GABRB1: variants seen among roughly 807,000 people sequenced by gnomAD.
The protein encoded by GABRB1 is gamma-aminobutyric acid type A receptor subunit beta1, also known as gamma-aminobutyric acid receptor subunit beta-1.
In GABRB1, 17 loss-of-function variants were observed where a neutral mutation model predicts 51.6. The observed-to-expected ratio is 0.33, with a 90% CI of 0.23 to 0.49. The LOEUF is 0.49. Ranked by LOEUF, GABRB1 falls within the 20% of genes least tolerant of loss-of-function variation. GABRB1 has a pLI of 0.99. For synonymous variants in GABRB1, 247 were observed against 218.9 expected (o/e 1.13, Z -1.14); for missense variants, 410 against 600.6 (o/e 0.68, Z 3.32).
intron 5 of GABRB1, among the ~76,000 whole-genome samples, chr4:47,321,169 T>C (rs968153983): frequency 3.9e-5 from 6 of 152,238 alleles, no homozygotes; most frequent in Non-Finnish European, 7.3e-5. Context: ...AGAACATTAC[T>C]ATAGTACCAC....
At chr4:47,091,557 T>C (rs1489502655) in intron 3 of GABRB1, among the ~76,000 whole-genome samples, 1 of 152,150 alleles carries the variant, frequency 6.6e-6, no homozygotes, top group Non-Finnish European at 1.5e-5. Context: ...ATGTCACAAT[T>C]GTCCATTCAT....
At chr4:47,232,313 C>T (rs1035859250) in intron 4 of GABRB1, among the ~76,000 whole-genome samples, 10 of 152,156 alleles carry the variant, frequency 6.6e-5, no homozygotes, top group Non-Finnish European at 1.2e-4. Flanking sequence ...CCCTACTAAA[C>T]ATATTTAAGA....
At chr4:47,222,926 T>A (rs1286768989) in intron 4 of GABRB1, among the ~76,000 whole-genome samples, 1 of 152,156 alleles carries the variant, frequency 6.6e-6, no homozygotes, top group Non-Finnish European at 1.5e-5. Context: ...AGGTTTTGTA[T>A]TATAATTGTT....
chr4:47,124,339 A>G (rs1421432256), intron 3 of GABRB1, among the ~76,000 whole-genome samples: 2 of 152,248 alleles, frequency 1.3e-5, no homozygotes, highest in Non-Finnish European at 2.9e-5. Context: ...TCCTGGAGGC[A>G]GTACCATTAG....
chr4:47,284,754 A>G (rs955493450), intron 4 of GABRB1, among the ~76,000 whole-genome samples: 18 of 152,230 alleles, frequency 1.2e-4, no homozygotes, highest in African/African-American at 4.3e-4. Flanking sequence ...AAAGCCCTAA[A>G]GAGTGGACTG....
At chr4:47,044,823 CT>C (rs1485663474) in intron 3 of GABRB1, among the ~76,000 whole-genome samples, 1 of 149,610 alleles carries the variant, frequency 6.7e-6, no homozygotes, top group Non-Finnish European at 1.5e-5. Flanking sequence ...TGTGAAATTT[CT>C]TTGTGAGAAC....
rs1729302731 is a variant in GABRB1, at chr4:47,426,444, A to T, written c.*426A>T. The T allele has an allele frequency of 6.6e-6, 1 of 152,048 alleles. No individual in the cohort carries two copies. The highest frequency in any genetic ancestry group is 2.4e-5 in the African/African-American group (1 of 41,352). The allele number at this position is 152,048 out of a possible 1,614,324, so 9.4% of individuals were successfully genotyped here. Reference sequence around the variant, plus strand: ...TTATGCTGCCAAAAAAAAAAAAAAAAAAACATAAAAAAAAACACACAATTT... The same window carrying T: ...TTATGCTGCCAAAAAAAAAAAAAAATAAACATAAAAAAAAACACACAATTT... On this transcript the variant is annotated 3_prime_UTR_variant, in exon 9 of 9. Coordinates refer to ENST00000295454, the MANE Select transcript of GABRB1 (RefSeq NM_000812.4).
intron 3 of GABRB1, among the ~76,000 whole-genome samples, chr4:47,151,635 A>T (rs1452646324): frequency 6.6e-6 from 1 of 151,994 alleles, no homozygotes; most frequent in Admixed American, 6.6e-5. Flanking sequence ...CATGCATCTG[A>T]TTTTATTTCT....
At chr4:47,323,713 C>T (rs1199365755) in intron 5 of GABRB1, among the ~76,000 whole-genome samples, 2 of 152,140 alleles carry the variant, frequency 1.3e-5, no homozygotes, top group African/African-American at 4.8e-5. Context: ...GTATGCTCTC[C>T]CATCACAATC....
chr4:47,197,423 G>A (rs1300037715), intron 4 of GABRB1, among the ~76,000 whole-genome samples: 2 of 152,132 alleles, frequency 1.3e-5, no homozygotes, highest in African/African-American at 4.8e-5. Flanking sequence ...CCATGTGATG[G>A]CCCATTTTTG....
intron 3 of GABRB1, among the ~76,000 whole-genome samples, chr4:47,083,194 G>A (rs896498061): frequency 5.9e-5 from 9 of 152,082 alleles, no homozygotes; most frequent in African/African-American, 2.2e-4. Flanking sequence ...TGTAATTGAT[G>A]GGTTCTCAGT....
intron 4 of GABRB1, among the ~76,000 whole-genome samples, chr4:47,183,911 G>A (rs1278906468): frequency 6.6e-6 from 1 of 151,768 alleles, no homozygotes; most frequent in Non-Finnish European, 1.5e-5. Flanking sequence ...TGGACTACTT[G>A]CTTTATTACT....
intron 4 of GABRB1, among the ~76,000 whole-genome samples, chr4:47,179,492 T>C (rs1718855095): frequency 1.3e-5 from 2 of 152,024 alleles, no homozygotes; most frequent in African/African-American, 4.8e-5. Context: ...CGTATGTTTA[T>C]TGCAGCACTT....
At chr4:47,386,834 A>G (rs919225187) in intron 5 of GABRB1, among the ~76,000 whole-genome samples, 1 of 152,214 alleles carries the variant, frequency 6.6e-6, no homozygotes, top group Non-Finnish European at 1.5e-5. Flanking sequence ...TAATCTATGG[A>G]AGCAGCTTGA....
chr4:47,202,465 A>G (rs1315095215), intron 4 of GABRB1, among the ~76,000 whole-genome samples: 1 of 152,184 alleles, frequency 6.6e-6, no homozygotes, highest in Non-Finnish European at 1.5e-5. Context: ...CATTCATATA[A>G]TAAGCATTTG....
chr4:47,392,641 C>T (rs1454895213), intron 5 of GABRB1, among the ~76,000 whole-genome samples: 1 of 152,060 alleles, frequency 6.6e-6, no homozygotes, highest in East Asian at 1.9e-4. Context: ...CGTGCCCAGC[C>T]TCTCCCTTCC....
chr4:47,205,983 G>A (rs557608948), intron 4 of GABRB1, among the ~76,000 whole-genome samples: 3 of 151,984 alleles, frequency 2.0e-5, no homozygotes, highest in African/African-American at 7.2e-5. Flanking sequence ...AGACCTTACA[G>A]GTTTAACTAC....
chr4:47,346,668 A>G (rs190192320), intron 5 of GABRB1, among the ~76,000 whole-genome samples: 35 of 152,374 alleles, frequency 2.3e-4, no homozygotes, highest in Admixed American at 7.2e-4. Flanking sequence ...GCTGATAAGA[A>G]AGTCCCTACA....
Position 47,343,862 on chromosome 4 carries a change from G to A in GABRB1, c.544+23653G>A, listed in dbSNP as rs541782525. Reference sequence around the variant, plus strand: ...GAAGTATCACTGGCTTCTACAAGTGGTAGCAGAAACTCAGAAACTTTTAGT... The same window carrying A: ...GAAGTATCACTGGCTTCTACAAGTGATAGCAGAAACTCAGAAACTTTTAGT... On this transcript the variant is annotated intron_variant, in intron 5 of 8. Coordinates refer to ENST00000295454, the MANE Select transcript of GABRB1 (RefSeq NM_000812.4). Among the ~76,000 whole-genome samples the A allele has an allele frequency of 2.0e-5, 3 of 152,288 alleles. No homozygotes were observed. The South Asian group carries it at 6.2e-4, about 32-fold the overall frequency.
Sources: allele counts gnomAD v4.1 joint callset (sites outside exome capture counted in the v4.1 genomes callset), GRCh38; gene constraint gnomAD v4.1.1; transcripts MANE v1.5; gene names NCBI Gene and HGNC (gene_info 2026-07-23, HGNC 2026-07-21).